Variants in PIWIL1 observed in about 807,000 individuals in gnomAD.
PIWIL1 encodes the protein piwi like RNA-mediated gene silencing 1.
In PIWIL1, 73 loss-of-function variants were observed where a neutral mutation model predicts 114.4. The ratio of observed to expected loss-of-function variants is 0.64; its 90% CI spans 0.53 to 0.78. The LOEUF is 0.78. Ranked by LOEUF, PIWIL1 falls within the 30% of genes least tolerant of loss-of-function variation. The pLI is 0.00. For synonymous variants in PIWIL1, 375 were observed against 369.0 expected (o/e 1.02, Z -0.19); for missense variants, 723 against 1,063.1 (o/e 0.68, Z 4.45).
At chr12:130,388,592 T>A in the PIWIL1 span, among the ~76,000 whole-genome samples, 2 of 152,220 alleles carry the variant, frequency 1.3e-5, no homozygotes, top group Non-Finnish European at 2.9e-5. Context: ...CCAAATGGCT[T>A]ATTATCCCAT....
At chr12:130,376,234 C>A (rs1367856252), downstream of PIWIL1, among the ~76,000 whole-genome samples, 1 of 152,178 alleles carries the variant, frequency 6.6e-6, no homozygotes, top group East Asian at 1.9e-4. Flanking sequence ...TTACTGAGGA[C>A]ACAGAGATTT....
At chr12:130,355,162 G>A (rs1195059172) in intron 11 of PIWIL1, among the ~76,000 whole-genome samples, 157 bp downstream of exon 11, 1 of 151,874 alleles carries the variant, frequency 6.6e-6, no homozygotes, top group African/African-American at 2.4e-5. Context: ...TCTAAGCAAG[G>A]CTACCTATAC....
At chr12:130,422,259 A>G in the PIWIL1 span, among the ~76,000 whole-genome samples, 1 of 152,222 alleles carries the variant, frequency 6.6e-6, no homozygotes, top group East Asian at 1.9e-4. This position sits in a 1 kb window ranked among gnomAD's most constrained non-coding sequence, Gnocchi z 5.2. Flanking sequence ...TAGAAGGCCA[A>G]TTTGATATTT....
rs1455700561 is a variant in PIWIL1 at position 130,338,500 on chromosome 12, G to A, written c.-13+354G>A. 1.1e-4 allele frequency among the ~76,000 whole-genome samples: 3 copies of A among 26,730 alleles called. 1 individual carries two copies. The highest frequency in any genetic ancestry group is 2.9e-4 in the Admixed American group (1 of 3,410). The allele number at this position is 26,730 out of a possible 152,430, so 17.5% of individuals were successfully genotyped here. On this transcript the variant is annotated intron_variant, in intron 1 of 20. Coordinates refer to ENST00000245255, the MANE Select transcript of PIWIL1 (RefSeq NM_004764.5). The stretch of plus-strand genomic sequence containing the variant: ...CCCAGGTGTGGGAGATGCAGGAGCC[G>A]GGTGCGGGGGCGAGGTCCCAGGTGC...
chr12:130,380,340 C>G, the PIWIL1 span, among the ~76,000 whole-genome samples: 1 of 152,234 alleles, frequency 6.6e-6, no homozygotes, highest in Non-Finnish European at 1.5e-5. Flanking sequence ...CCCCCCACCC[C>G]CCAACTTTTT....
At chr12:130,369,525 T>C (rs2073761314) in intron 19 of PIWIL1, among the ~76,000 whole-genome samples, 1 of 33,238 alleles carries the variant, frequency 3.0e-5, no homozygotes, top group Non-Finnish European at 1.1e-4. Context: ...AGTGTAAAAG[T>C]GTTCCTATTT....
intron 18 of PIWIL1, among the ~76,000 whole-genome samples, chr12:130,364,471 T>C (rs898762020): frequency 6.6e-6 from 1 of 152,228 alleles, no homozygotes; most frequent in African/African-American, 2.4e-5. Flanking sequence ...CAGACGTTTC[T>C]TAAAATGACA....
At chr12:130,352,251 T>C (rs2073232352) in intron 9 of PIWIL1, among the ~76,000 whole-genome samples, 1 of 152,228 alleles carries the variant, frequency 6.6e-6, no homozygotes, top group East Asian at 1.9e-4. Context: ...AGATAATATC[T>C]AGGAAACAGA....
At chr12:130,399,863 C>T in the PIWIL1 span, 2 of 1,602,922 alleles carry the variant, frequency 1.2e-6, no homozygotes, top group Non-Finnish European at 1.7e-6. Flanking sequence ...TCTAGAAACC[C>T]ACATCTTGCT....
chr12:130,358,777 C>T (rs1185713027), intron 14 of PIWIL1, among the ~76,000 whole-genome samples: 1 of 152,162 alleles, frequency 6.6e-6, no homozygotes, highest in Non-Finnish European at 1.5e-5. Context: ...AGAAACTGTC[C>T]GTCACTCTCG....
the PIWIL1 span, among the ~76,000 whole-genome samples, chr12:130,401,157 C>T: frequency 2.6e-5 from 4 of 151,994 alleles, no homozygotes; most frequent in African/African-American, 4.8e-5. Flanking sequence ...GCTCTGTCAC[C>T]CAGGCTGAAG....
At chr12:130,404,825 A>G in the PIWIL1 span, among the ~76,000 whole-genome samples, 1 of 152,220 alleles carries the variant, frequency 6.6e-6, no homozygotes, top group Non-Finnish European at 1.5e-5. Flanking sequence ...AAACATAAAA[A>G]TGCATTATAA....
intron 12 of PIWIL1, among the ~76,000 whole-genome samples, chr12:130,356,273 GC>G (rs1248168341): frequency 6.6e-6 from 1 of 151,474 alleles, no homozygotes; most frequent in Non-Finnish European, 1.5e-5. Context: ...ACTGTAAAGT[GC>G]CAACATTTTC....
intron 9 of PIWIL1, among the ~76,000 whole-genome samples, chr12:130,352,895 A>C (rs2073251625): frequency 1.3e-5 from 2 of 152,222 alleles, no homozygotes; most frequent in Non-Finnish European, 2.9e-5. Context: ...CAGACTCCTC[A>C]TTTTAAAATG....
At chr12:130,397,225 T>C in the PIWIL1 span, 1 of 390,342 alleles carries the variant, frequency 2.6e-6, no homozygotes, top group Non-Finnish European at 4.5e-6. Context: ...AAGTGGTTGG[T>C]AGTGCAAAAG....
Position 130,337,962 on chromosome 12 carries a change from C to G in PIWIL1, c.-197C>G, listed in dbSNP as rs946781811. On this transcript the variant is annotated 5_prime_UTR_variant, in exon 1 of 21. Transcript: ENST00000245255. ...GTTCATCCGCCCGGGAAAAGAGCGC[C>G]TGTTGCTCGCTGCCCGCGTGTCCCT... is the stretch of plus-strand genomic sequence containing the variant. 4.3e-5 allele frequency: 7 copies of G among 161,608 alleles called. No individual in the cohort carries two copies. The highest frequency in any genetic ancestry group is 9.4e-5 in the Non-Finnish European group (7 of 74,590). The allele number at this position is 161,608 out of a possible 1,614,324, so 10.0% of individuals were successfully genotyped here.
chr12:130,352,545 G>A (rs996099198), intron 9 of PIWIL1, among the ~76,000 whole-genome samples: 3 of 152,236 alleles, frequency 2.0e-5, no homozygotes, highest in Admixed American at 1.3e-4. Flanking sequence ...TGGGTGTGGT[G>A]GCATATGCCT....
At chr12:130,352,364 G>A (rs1393907289) in intron 9 of PIWIL1, among the ~76,000 whole-genome samples, 2 of 152,058 alleles carry the variant, frequency 1.3e-5, no homozygotes, top group Non-Finnish European at 2.9e-5. Flanking sequence ...GTTTTTTCAG[G>A]TGTAGAGGAA....
chr12:130,363,094 C>T lies in PIWIL1; in HGVS notation c.2145C>T (p.Tyr715=), dbSNP rs188915650. 100 of 1,614,164 alleles carry T rather than the reference C, an allele frequency of 6.2e-5. No homozygotes were observed. The highest frequency in any genetic ancestry group is 3.5e-4 in the African/African-American group (26 of 75,036). The change falls in exon 18 of 21, where the codon TAC becomes TAT. Residue 715 remains tyrosine, a synonymous_variant. Coordinates refer to ENST00000245255, the MANE Select transcript of PIWIL1 (RefSeq NM_004764.5). The part of the protein sequence containing the change: ...GDGQLKTLVN[Y]EVPQFLDCLK... ...GCCAGCTGAAAACACTGGTGAACTA[C>T]GAAGTGCCACAGTTTTTGGATTGTC...
Sources: allele counts gnomAD v4.1 joint callset (sites outside exome capture counted in the v4.1 genomes callset), GRCh38; gene constraint gnomAD v4.1.1; non-coding constraint Gnocchi (gnomAD v3.1); transcripts MANE v1.5; gene names NCBI Gene and HGNC (gene_info 2026-07-23, HGNC 2026-07-21).